The following SLC2A5 variants were observed in gnomAD, a reference collection of about 807,000 sequenced individuals.
SLC2A5 encodes the protein solute carrier family 2, facilitated glucose transporter member 5.
In SLC2A5, 56 loss-of-function variants were observed where a neutral mutation model predicts 50.3. That is an observed-to-expected ratio of 1.11 (90% confidence interval 0.90 to 1.39). The LOEUF is 1.39. Ranked by LOEUF, SLC2A5 falls within the 40% of genes most tolerant of loss-of-function variation. The pLI, the probability that SLC2A5 is intolerant of heterozygous loss-of-function variation, is 0.00. For missense variants in SLC2A5, 566 were observed against 650.1 expected, an observed-to-expected ratio of 0.87 and a Z score of 1.41; for synonymous variants, 269 against 281.9, an observed-to-expected ratio of 0.95 and a Z score of 0.46.
intron 3 of SLC2A5, among the ~76,000 whole-genome samples, chr1:9,053,170 A>G (rs1288451833): frequency 1.0e-5 from 1 of 96,990 alleles, no homozygotes; most frequent in Admixed American, 1.7e-4. Context: ...ATATTTATAT[A>G]TTTTATATAT....
chr1:9,060,104 AAT>A (rs1396694883), intron 1 of SLC2A5, among the ~76,000 whole-genome samples: 1 of 127,526 alleles, frequency 7.8e-6, no homozygotes, highest in Non-Finnish European at 1.7e-5. Context: ...CAACACACAC[AAT>A]ACACACACAC....
intron 7 of SLC2A5, 48 bp from the exon 8 acceptor site, chr1:9,039,710 C>T (rs1453158112): frequency 1.3e-5 from 19 of 1,454,132 alleles, no homozygotes; most frequent in Non-Finnish European, 1.6e-5. Flanking sequence ...GAGGCGGCCT[C>T]GGCGCCAGGA....
intron 3 of SLC2A5, among the ~76,000 whole-genome samples, chr1:9,051,848 C>T (rs571212483): frequency 1.1e-4 from 17 of 152,292 alleles, no homozygotes; most frequent in African/African-American, 3.9e-4. Flanking sequence ...TGGATGTTTA[C>T]GGCAGCTTTA....
chr1:9,041,087 G>T, intron 5 of SLC2A5: 1 of 297,234 alleles, frequency 3.4e-6, no homozygotes, highest in East Asian at 5.5e-5. Flanking sequence ...ACTTTCTACA[G>T]AGAGTGTCTA....
rs1333568681 is a variant in SLC2A5, at chr1:9,040,339, C to T, written c.572-150G>A. 6 of 923,704 alleles carry T rather than the reference C, an allele frequency of 6.5e-6. No homozygotes were observed. The highest frequency in any genetic ancestry group is 2.7e-5 in the East Asian group (1 of 37,144). 57.2% of individuals were successfully genotyped at this position (923,704 alleles called of 1,614,324 possible). ...CAGCCCTAAGAACAGCAACTCCCGA[C>T]GGTGGACACTCGGGAAACACCTGCA... is the stretch of plus-strand genomic sequence containing the variant. On this transcript the variant is annotated intron_variant, in intron 5 of 11. Coordinates refer to ENST00000377424, the MANE Select transcript of SLC2A5 (RefSeq NM_003039.3). This position sits in a 1 kb window ranked among gnomAD's most constrained non-coding sequence, Gnocchi z 4.3.
Position 9,066,255 on chromosome 1 carries a change from A to G in SLC2A5, c.33+3249T>C, listed in dbSNP as rs142458450. The stretch of plus-strand genomic sequence containing the variant: ...TCCTTTGTTTTTTTTTTGAGACAGA[A>G]TCTCACTCTGGCTGGAGTCACGCAG... On this transcript the variant is annotated intron_variant, in intron 1 of 11. Transcript: ENST00000377424. Among the ~76,000 whole-genome samples, 442 of 152,018 alleles carry G rather than the reference A, an allele frequency of 2.9e-3. 3 individuals are homozygous for G. The highest frequency in any genetic ancestry group is 0.01 in the African/African-American group (430 of 41,462).
At chr1:9,093,792 C>T in the SLC2A5 span, among the ~76,000 whole-genome samples, 2 of 152,092 alleles carry the variant, frequency 1.3e-5, no homozygotes, top group African/African-American at 4.8e-5. Context: ...ATGTGCTTAC[C>T]GCTGTCTTCC....
At chr1:9,060,223 A>AT (rs1265819395) in intron 1 of SLC2A5, among the ~76,000 whole-genome samples, 65 of 113,378 alleles carry the variant, frequency 5.7e-4, no homozygotes, top group African/African-American at 2.2e-3. Context: ...TCATGTAACA[A>AT]ACAATACACA....
chr1:9,081,261 GAAAAAAAAAAAAAAAAAACCCC>G (rs1355000966), intron 2 of SLC2A5, among the ~76,000 whole-genome samples: 6 of 25,552 alleles, frequency 2.3e-4, no homozygotes, highest in African/African-American at 8.6e-4. Context: ...CCTTGTTTCA[GAAAAAAAAAAAAAAAAAACCCC>G]AAAAAAAAAA....
chr1:9,047,372 A>G (rs1165899739), intron 4 of SLC2A5, among the ~76,000 whole-genome samples: 3 of 152,214 alleles, frequency 2.0e-5, no homozygotes, highest in Non-Finnish European at 4.4e-5. Context: ...TTGGAATGAC[A>G]CTTCCCAGGT....
In SLC2A5 at chr1:9,035,435, G is replaced by A. The variant is rs10864381; in HGVS notation, c.*2151C>T. On this transcript the variant is annotated 3_prime_UTR_variant, in exon 12 of 12. Transcript: ENST00000377424. ...AAGGATGGTTCAACCACAGTGTTCTGTTTACTTCCTCTGGGCCCGCTTGTG... is the reference window on the plus strand; with the variant it reads ...AAGGATGGTTCAACCACAGTGTTCTATTTACTTCCTCTGGGCCCGCTTGTG... 0.4 allele frequency: 61,454 copies of A among 152,080 alleles called. 13,081 individuals carry two copies. The highest frequency in any genetic ancestry group is 0.65 in the East Asian group (3,367 of 5,172). 9.4% of individuals were successfully genotyped at this position (152,080 alleles called of 1,614,324 possible).
rs1053701785 is a variant in SLC2A5 at position 9,036,255 on chromosome 1, C to T, written c.*1331G>A. The T allele has an allele frequency of 6.6e-6, 1 of 152,192 alleles. No individual in the cohort carries two copies. Among genetic ancestry groups the T allele is most frequent in the Non-Finnish European group, 1.5e-5 (1 of 68,050 alleles). The allele number at this position is 152,192 out of a possible 1,614,324, so 9.4% of individuals were successfully genotyped here. On this transcript the variant is annotated 3_prime_UTR_variant, in exon 12 of 12. Transcript: ENST00000377424. ...GTGATGCAATCATGACTCAGGGCAG[C>T]CTTGACCTCCCAGGCTCAAGCGATC...
At chr1:9,078,824 G>A (rs996190579) in intron 2 of SLC2A5, among the ~76,000 whole-genome samples, 3 of 152,142 alleles carry the variant, frequency 2.0e-5, no homozygotes, top group Non-Finnish European at 2.9e-5. Flanking sequence ...TAAATTTTGC[G>A]AACCTCACAG....
intron 9 of SLC2A5, 27 bp from the exon 10 acceptor site, chr1:9,038,533 C>T (rs752854654): frequency 6.3e-7 from 1 of 1,592,094 alleles, no homozygotes; most frequent in Admixed American, 1.7e-5. Context: ...GTTGGTTCAC[C>T]TGGAGCAGAC....
At chr1:9,046,438 A>G (rs1641435322) in intron 4 of SLC2A5, among the ~76,000 whole-genome samples, 1 of 152,196 alleles carries the variant, frequency 6.6e-6, no homozygotes, top group African/African-American at 2.4e-5. Context: ...CCAGTTTGTT[A>G]GATGAGAGGA....
In SLC2A5 at chr1:9,037,699, C is replaced by T; in HGVS notation, c.1393G>A (p.Ala465Thr). The change falls in exon 12 of 12, where the codon GCC becomes ACC. Residue 465 changes from alanine to threonine, a missense_variant. Physicochemically the swap from Ala to Thr is moderately conservative, Grantham distance 58. Coordinates refer to ENST00000377424, the MANE Select transcript of SLC2A5 (RefSeq NM_003039.3). ...TGGTTGATCTCTATGAACGTCTTGGCCTTGGTCTCCGGGACAATCAAGAAG... is the reference window on the plus strand; with the variant it reads ...TGGTTGATCTCTATGAACGTCTTGGTCTTGGTCTCCGGGACAATCAAGAAG... ...YIFLIVPETK[A>T]KTFIEINQIF... The T allele has an allele frequency of 6.2e-7, 1 of 1,614,190 alleles. No individual in the cohort carries two copies. The highest frequency in any genetic ancestry group is 8.5e-7 in the Non-Finnish European group (1 of 1,180,030).
intron 10 of SLC2A5, 37 bp downstream of exon 10, chr1:9,038,394 G>C (rs372773774): frequency 2.0e-6 from 3 of 1,480,002 alleles, no homozygotes; most frequent in Middle Eastern, 1.7e-4. Flanking sequence ...GGACCAGGGG[G>C]GGTTGTGACA....
chr1:9,040,399 C>A lies in SLC2A5; in HGVS notation c.572-210G>T. ...AGCAGCGACGCACCCCTGCGCCCAT[C>A]AGACAGACCACACCGACGAGGCCGG... On this transcript the variant is annotated intron_variant, in intron 5 of 11. Transcript: ENST00000377424. This position sits in a 1 kb window ranked among gnomAD's most constrained non-coding sequence, Gnocchi z 4.3. 1 of 596,878 alleles carries A rather than the reference C, an allele frequency of 1.7e-6. No homozygotes were observed. Among genetic ancestry groups the A allele is most frequent in the East Asian group, 3.0e-5 (1 of 33,192 alleles). The allele number at this position is 596,878 out of a possible 1,614,324, so 37.0% of individuals were successfully genotyped here. A position where few individuals can be genotyped will look rare whatever the true frequency, so the allele number is the denominator to read the frequency against.
chr1:9,038,968 G>A, intron 8 of SLC2A5, 39 bp from the exon 9 acceptor site: 1 of 1,594,888 alleles, frequency 6.3e-7, no homozygotes, highest in Non-Finnish European at 8.5e-7. Context: ...GAGAGGCCCA[G>A]CTTCACCTCC....
Sources: gnomAD v4.1 joint callset for allele counts (sites outside exome capture counted in the v4.1 genomes callset) on GRCh38, gnomAD v4.1.1 for gene constraint, Gnocchi (gnomAD v3.1) non-coding constraint, MANE v1.5 for transcripts, NCBI Gene and HGNC (gene_info 2026-07-23, HGNC 2026-07-21) for gene names.